Variants in FILIP1L observed in about 807,000 individuals in gnomAD.
FILIP1L encodes filamin A-interacting protein 1-like.
In FILIP1L, 55 loss-of-function variants were observed where a neutral mutation model predicts 96.6. The ratio of observed to expected loss-of-function variants is 0.57; its 90% confidence interval spans 0.46 to 0.71. The LOEUF (loss-of-function observed/expected upper bound fraction) is 0.71. Among genes scored for constraint, FILIP1L ranks in the 30% least tolerant of loss-of-function variants. The pLI is 0.00. For missense variants in FILIP1L, 1,304 were observed against 1,321.2 expected (o/e 0.99, Z 0.20); for synonymous variants, 467 against 473.9 (o/e 0.99, Z 0.19).
At chr3:99,939,346 C>G (rs1707787553) in intron 1 of FILIP1L, among the ~76,000 whole-genome samples, 1 of 152,216 alleles carries the variant, frequency 6.6e-6, no homozygotes, top group African/African-American at 2.4e-5. Context: ...AGAACTAAAG[C>G]AAGCCAAGCT....
chr3:100,070,162 A>G (rs527871298), intron 1 of FILIP1L, among the ~76,000 whole-genome samples: 69 of 152,342 alleles, frequency 4.5e-4, no homozygotes, highest in African/African-American at 1.6e-3. Flanking sequence ...CATTCCTGTT[A>G]CAGCCAGAGC....
At position 100,012,608 on chromosome 3, in the gene FILIP1L, G is replaced by A. The variant is rs140080930; in HGVS notation, c.-10-81578C>T. On this transcript the variant is annotated intron_variant, in intron 1 of 5. Transcript: ENST00000477258. ...CAGGAGGATTTCAGATTCCCCCACC[G>A]TGGGCCTAATTATTTCATAGACTCA... Among the ~76,000 whole-genome samples, 658 of 152,168 alleles carry A rather than the reference G, an allele frequency of 4.3e-3. 3 individuals carry two copies. The highest frequency in any genetic ancestry group is 7.8e-3 in the Non-Finnish European group (529 of 68,004).
intron 4 of FILIP1L, among the ~76,000 whole-genome samples, chr3:99,861,776 T>C (rs1273018808): frequency 6.6e-6 from 1 of 152,168 alleles, no homozygotes; most frequent in Non-Finnish European, 1.5e-5. Flanking sequence ...TGGAAAACTA[T>C]GAGAGGCAGG....
chr3:99,831,381 C>A (rs1942665311), intron 5 of FILIP1L, among the ~76,000 whole-genome samples: 1 of 152,192 alleles, frequency 6.6e-6, no homozygotes, highest in South Asian at 2.1e-4. Context: ...AGTGGACTTA[C>A]AGGTACTTTT....
chr3:99,987,232 AG>A (rs1236387042), intron 1 of FILIP1L, among the ~76,000 whole-genome samples: 1 of 150,076 alleles, frequency 6.7e-6, no homozygotes, highest in Non-Finnish European at 1.5e-5. Flanking sequence ...CTGTCTCTTA[AG>A]GGGAAAAAAA....
chr3:99,904,231 G>A (rs180759400), intron 4 of FILIP1L, among the ~76,000 whole-genome samples: 6 of 152,362 alleles, frequency 3.9e-5, no homozygotes, highest in African/African-American at 1.4e-4. Flanking sequence ...CCATAGGCCA[G>A]ATTGTTTCAC....
intron 1 of FILIP1L, among the ~76,000 whole-genome samples, chr3:99,961,035 T>C (rs1470469753): frequency 6.6e-6 from 1 of 152,212 alleles, no homozygotes; most frequent in African/African-American, 2.4e-5. Context: ...TTCGTTAATA[T>C]TTATTGTCAC....
chr3:100,054,290 G>A (rs1164359613), intron 1 of FILIP1L, among the ~76,000 whole-genome samples: 1 of 152,088 alleles, frequency 6.6e-6, no homozygotes, highest in Non-Finnish European at 1.5e-5. Context: ...AAGAACATGA[G>A]TTAGTTGCTA....
chr3:100,021,160 T>G (rs950266943), intron 1 of FILIP1L, among the ~76,000 whole-genome samples: 4 of 152,234 alleles, frequency 2.6e-5, no homozygotes, highest in African/African-American at 9.6e-5. Flanking sequence ...CCCAGCTTAC[T>G]GCTCTCACAT....
intron 1 of FILIP1L, among the ~76,000 whole-genome samples, chr3:100,031,140 A>AT (rs1166182283): frequency 6.6e-6 from 1 of 152,092 alleles, no homozygotes; most frequent in East Asian, 1.9e-4. Flanking sequence ...AGACATCAGC[A>AT]TTTTTAGACT....
intron 1 of FILIP1L, among the ~76,000 whole-genome samples, chr3:100,107,551 G>A (rs186032697): frequency 5.9e-5 from 9 of 152,196 alleles, no homozygotes; most frequent in Admixed American, 2.0e-4. Flanking sequence ...ACCACTAAAC[G>A]ATAGGCTAGT....
chr3:100,016,719 C>T (rs1710352526), intron 1 of FILIP1L, among the ~76,000 whole-genome samples: 1 of 152,190 alleles, frequency 6.6e-6, no homozygotes, highest in African/African-American at 2.4e-5. Flanking sequence ...CCTTTTTATC[C>T]TTTCACTTAT....
At chr3:100,054,975 G>T (rs1478238695) in intron 1 of FILIP1L, among the ~76,000 whole-genome samples, 2 of 152,108 alleles carry the variant, frequency 1.3e-5, no homozygotes, top group African/African-American at 2.4e-5. Context: ...TTCCCAGCTT[G>T]CAGAGCCTCT....
chr3:100,067,324 A>G (rs528605289), intron 1 of FILIP1L, among the ~76,000 whole-genome samples: 2 of 152,296 alleles, frequency 1.3e-5, no homozygotes, highest in East Asian at 1.9e-4. Flanking sequence ...TGGCCTACCT[A>G]TGGTGCAGGT....
At chr3:100,027,193 G>A (rs2064940242) in intron 1 of FILIP1L, among the ~76,000 whole-genome samples, 1 of 151,980 alleles carries the variant, frequency 6.6e-6, no homozygotes, top group Non-Finnish European at 1.5e-5. Flanking sequence ...TATCACATAT[G>A]GTCTAGTACA....
intron 3 of FILIP1L, among the ~76,000 whole-genome samples, chr3:99,928,510 A>C (rs1707368231): frequency 6.6e-6 from 1 of 152,234 alleles, no homozygotes; most frequent in African/African-American, 2.4e-5. Flanking sequence ...GGTAACTTTC[A>C]GGGGCACCTT....
At chr3:100,082,675 T>C (rs188826736) in intron 1 of FILIP1L, among the ~76,000 whole-genome samples, 140 of 152,308 alleles carry the variant, frequency 9.2e-4, no homozygotes, top group African/African-American at 3.2e-3. Context: ...CCAACAAATT[T>C]TATTTAGGAA....
chr3:99,863,685 C>T (rs1451868501), intron 4 of FILIP1L, among the ~76,000 whole-genome samples: 2 of 151,980 alleles, frequency 1.3e-5, no homozygotes, highest in Admixed American at 6.6e-5. Context: ...AATTAGTATT[C>T]CTAAATATTT....
intron 4 of FILIP1L, among the ~76,000 whole-genome samples, chr3:99,910,853 C>G (rs902250530): frequency 1.3e-5 from 2 of 152,112 alleles, no homozygotes; most frequent in Admixed American, 6.5e-5. Context: ...GCCCAAGAAA[C>G]TTGGGCCCAA....
Sources: gnomAD v4.1 joint callset for allele counts (sites outside exome capture counted in the v4.1 genomes callset) on GRCh38, gnomAD v4.1.1 for gene constraint, MANE v1.5 for transcripts, NCBI Gene and HGNC (gene_info 2026-07-23, HGNC 2026-07-21) for gene names.